FGF12: variants seen among roughly 807,000 people sequenced by gnomAD.
FGF12 encodes the protein fibroblast growth factor 12, also known as fibroblast growth factor 12B.
A neutral mutation model predicts 23.6 loss-of-function variants in FGF12; 14 were observed. The observed-to-expected ratio is 0.59, with a 90% CI of 0.39 to 0.93. The LOEUF is 0.93. Ranked by LOEUF, FGF12 falls within the 40% of genes least tolerant of loss-of-function variation. FGF12 has a pLI of 0.00. For missense variants in FGF12, 175 were observed against 217.8 expected (o/e 0.80, Z 1.24); for synonymous variants, 62 against 77.3 (o/e 0.80, Z 1.04).
At chr3:192,353,342 A>G (rs1018120067) in intron 3 of FGF12, among the ~76,000 whole-genome samples, 2 of 151,484 alleles carry the variant, frequency 1.3e-5, no homozygotes, top group Non-Finnish European at 2.9e-5. Flanking sequence ...TTTACTGACC[A>G]GAAAGATACA....
intron 2 of FGF12, among the ~76,000 whole-genome samples, chr3:192,667,416 C>A (rs1577109617): frequency 6.6e-6 from 1 of 150,968 alleles, no homozygotes; most frequent in African/African-American, 2.4e-5. Context: ...CCAGGCTGGT[C>A]AATATGGTGA....
intron 2 of FGF12, among the ~76,000 whole-genome samples, chr3:192,675,252 C>A (rs1033915222): frequency 6.6e-6 from 1 of 151,022 alleles, no homozygotes; most frequent in Non-Finnish European, 1.5e-5. Context: ...ACAGCAATTA[C>A]GTGAAAGAGT....
chr3:192,167,860 C>G (rs1385413086), intron 5 of FGF12, among the ~76,000 whole-genome samples: 2 of 145,180 alleles, frequency 1.4e-5, no homozygotes, highest in Non-Finnish European at 3.0e-5. Flanking sequence ...ACTGCAATCT[C>G]CACCTCCTTG....
intron 4 of FGF12, among the ~76,000 whole-genome samples, chr3:192,236,711 C>T (rs1181753781): frequency 6.6e-6 from 1 of 152,128 alleles, no homozygotes. Flanking sequence ...GATCTTTCTC[C>T]ATCCCTTTAC....
chr3:192,665,357 C>T (rs75103601), intron 2 of FGF12, among the ~76,000 whole-genome samples: 5,485 of 152,146 alleles, frequency 0.036, 168 homozygotes, highest in Non-Finnish European at 0.054. Flanking sequence ...ATTGCTATGC[C>T]ATTACCATAA....
chr3:192,568,289 T>A (rs557793945), intron 2 of FGF12, among the ~76,000 whole-genome samples: 2 of 152,312 alleles, frequency 1.3e-5, no homozygotes, highest in South Asian at 4.1e-4. Flanking sequence ...GGGAAATCTT[T>A]TAAGGCCACC....
At chr3:192,584,739 G>A (rs77752618) in intron 2 of FGF12, among the ~76,000 whole-genome samples, 222 of 152,198 alleles carry the variant, frequency 1.5e-3, no homozygotes, top group Non-Finnish European at 2.9e-3. Flanking sequence ...CCTGTGATCA[G>A]CTTCTAAGAT....
At chr3:192,488,123 ATGC>A (rs1723692050) in intron 2 of FGF12, among the ~76,000 whole-genome samples, 1 of 152,128 alleles carries the variant, frequency 6.6e-6, no homozygotes. Flanking sequence ...TCTGGCTCAT[ATGC>A]TGTTTTCCTA....
rs763234088 is a variant in FGF12 at position 192,307,750 on chromosome 3, G to A, written c.228+27611C>T. 1.3e-4 allele frequency among the ~76,000 whole-genome samples: 20 copies of A among 152,306 alleles called. 2 individuals carry two copies. Among genetic ancestry groups the A allele is most frequent in the Non-Finnish European group, 1.6e-4 (11 of 68,026 alleles). Reference sequence around the variant, plus strand: ...CTCAAAGAGTTATATTTACTGCCACGCAAGATGAATCATGCCTCTTTGGGG... The same window carrying A: ...CTCAAAGAGTTATATTTACTGCCACACAAGATGAATCATGCCTCTTTGGGG... On this transcript the variant is annotated intron_variant, in intron 4 of 5. Coordinates refer to ENST00000445105, the MANE Select transcript of FGF12 (RefSeq NM_004113.6).
intron 2 of FGF12, among the ~76,000 whole-genome samples, chr3:192,694,841 C>CAG (rs1002666640): frequency 2.6e-5 from 4 of 151,744 alleles, no homozygotes; most frequent in Non-Finnish European, 5.9e-5. Context: ...TACATAGAAA[C>CAG]AGAGAGAGGA....
intron 4 of FGF12, among the ~76,000 whole-genome samples, chr3:192,222,009 G>A (rs745468156): frequency 9.9e-5 from 15 of 152,182 alleles, no homozygotes; most frequent in Non-Finnish European, 1.9e-4. Context: ...CAGGAAAGGT[G>A]TGGTATGAAG....
intron 2 of FGF12, among the ~76,000 whole-genome samples, chr3:192,640,738 G>A (rs183239724): frequency 2.0e-5 from 3 of 152,218 alleles, no homozygotes; most frequent in African/African-American, 7.2e-5. Context: ...TGTGACCCAT[G>A]GGCCAATTTT....
intron 4 of FGF12, among the ~76,000 whole-genome samples, chr3:192,288,212 C>G (rs972086059): frequency 1.3e-5 from 2 of 151,944 alleles, no homozygotes; most frequent in African/African-American, 4.8e-5. Context: ...GACAAAGATG[C>G]GTCATTCACA....
chr3:192,375,639 T>C lies in FGF12; in HGVS notation c.14-15101A>G, dbSNP rs1044944365. Among the ~76,000 whole-genome samples the C allele has an allele frequency of 1.1e-4, 17 of 152,280 alleles. No individual in the cohort carries two copies. The East Asian group carries it at 3.3e-3, about 29-fold the overall frequency. ...GATAGATTTACAAACATGTTTACCATCTTTTTTGCTCATCATTATAACCCC... is the reference window on the plus strand; with the variant it reads ...GATAGATTTACAAACATGTTTACCACCTTTTTTGCTCATCATTATAACCCC... On this transcript the variant is annotated intron_variant, in intron 2 of 5. Coordinates refer to ENST00000445105, the MANE Select transcript of FGF12 (RefSeq NM_004113.6).
intron 4 of FGF12, among the ~76,000 whole-genome samples, chr3:192,233,724 G>A (rs1462472290): frequency 1.3e-5 from 2 of 152,008 alleles, no homozygotes; most frequent in Non-Finnish European, 2.9e-5. Flanking sequence ...TTTTGTATAT[G>A]GTAGAAGGAA....
chr3:192,278,967 G>T (rs1198761052), intron 4 of FGF12, among the ~76,000 whole-genome samples: 2 of 152,102 alleles, frequency 1.3e-5, no homozygotes, highest in African/African-American at 4.8e-5. Flanking sequence ...CTTCCTGCAA[G>T]AATGTCACAG....
intron 2 of FGF12, among the ~76,000 whole-genome samples, chr3:192,536,838 T>G (rs1046621886): frequency 6.6e-6 from 1 of 152,080 alleles, no homozygotes; most frequent in African/African-American, 2.4e-5. Context: ...TAATTTTAAA[T>G]ATATAGTAAA....
At chr3:192,586,165 T>G (rs1248867995) in intron 2 of FGF12, among the ~76,000 whole-genome samples, 1 of 151,904 alleles carries the variant, frequency 6.6e-6, no homozygotes, top group African/African-American at 2.4e-5. Flanking sequence ...TTCAGGGGGG[T>G]GGGGATATAA....
At chr3:192,207,178 T>A (rs969701706) in intron 4 of FGF12, among the ~76,000 whole-genome samples, 6 of 152,232 alleles carry the variant, frequency 3.9e-5, no homozygotes, top group African/African-American at 1.4e-4. Context: ...TAATACTTCA[T>A]AATTGTATTG....
Sources: allele counts gnomAD v4.1 joint callset (sites outside exome capture counted in the v4.1 genomes callset), GRCh38; gene constraint gnomAD v4.1.1; transcripts MANE v1.5; gene names NCBI Gene and HGNC (gene_info 2026-07-23, HGNC 2026-07-21).